The following DHX8 variants were observed in gnomAD, a reference collection of about 807,000 sequenced individuals.
DHX8 encodes ATP-dependent RNA helicase DHX8.
Under a neutral mutation model 140.7 loss-of-function variants are expected in DHX8, and 67 were observed. The ratio of observed to expected loss-of-function variants is 0.48; its 90% CI spans 0.39 to 0.58. DHX8 has a LOEUF of 0.58. Ranked by LOEUF, DHX8 falls within the 20% of genes least tolerant of loss-of-function variation. The pLI is 0.00. For synonymous variants in DHX8, 533 were observed against 553.2 expected (o/e 0.96, Z 0.51); for missense variants, 887 against 1,550.7 (o/e 0.57, Z 7.19).
At chr17:43,541,515 A>T (rs1351160329) in intron 3 of DHX8, among the ~76,000 whole-genome samples, 1 of 148,708 alleles carries the variant, frequency 6.7e-6, no homozygotes, top group Non-Finnish European at 1.5e-5. Context: ...AATTTTAGGG[A>T]CTCTCCTTTC....
At chr17:43,498,189 G>A (rs1454648245) in intron 9 of DHX8, among the ~76,000 whole-genome samples, 2 of 151,688 alleles carry the variant, frequency 1.3e-5, no homozygotes, top group African/African-American at 4.9e-5. Context: ...TTGTTGCCCA[G>A]GCTGGAGTGC....
Position 43,542,608 on chromosome 17 carries a change from C to T in DHX8, c.*21-1554C>T, listed in dbSNP as rs190129935. Among the ~76,000 whole-genome samples, 246 of 152,242 alleles carry T rather than the reference C, an allele frequency of 1.6e-3. 2 individuals are homozygous for T. The highest frequency in any genetic ancestry group is 5.8e-3 in the Admixed American group (89 of 15,300). On this transcript the variant is annotated intron_variant, in intron 3 of 3. Transcript: ENST00000589898. ...CGCCCTCCTAGCCTCACATCATTCA[C>T]CCCTGTGTACAAAAACCCAACCCCA... is the stretch of plus-strand genomic sequence containing the variant.
Position 43,521,350 on chromosome 17 carries a change from C to G in DHX8, c.3067-19C>G, listed in dbSNP as rs1483169910. The G allele has an allele frequency of 6.3e-7, 1 of 1,597,692 alleles. No individual in the cohort carries two copies. The highest frequency in any genetic ancestry group is 1.7e-4 in the Middle Eastern group (1 of 5,980). On this transcript the variant is annotated intron_variant, in intron 20 of 22. Coordinates refer to ENST00000262415, the MANE Select transcript of DHX8 (RefSeq NM_004941.3). The stretch of plus-strand genomic sequence containing the variant: ...TAGCTGTTGAGTCGGAAATGTTCCT[C>G]TGTCCCACTGCTTGGCAGGATAAAC...
At chr17:43,529,978 C>T (rs1053680921), downstream of DHX8, 13 of 1,613,922 alleles carry the variant, frequency 8.1e-6, no homozygotes, top group Middle Eastern at 3.3e-4. Context: ...GGGGGTTGCT[C>T]AGATCTGGGG....
At chr17:43,528,826 C>T, downstream of DHX8, 1 of 1,114,364 alleles carries the variant, frequency 9.0e-7, no homozygotes, top group Non-Finnish European at 1.3e-6. Context: ...GGGAATGTGG[C>T]CCTTCTACCA....
intron 1 of DHX8, among the ~76,000 whole-genome samples, chr17:43,488,151 G>A (rs542096905): frequency 2.6e-5 from 4 of 152,076 alleles, no homozygotes; most frequent in Non-Finnish European, 4.4e-5. Flanking sequence ...GGTGGCATGC[G>A]CCTGTAGCCC....
At chr17:43,514,042 A>G (rs896453036) in intron 17 of DHX8, among the ~76,000 whole-genome samples, 18 of 152,118 alleles carry the variant, frequency 1.2e-4, no homozygotes, top group Admixed American at 1.0e-3. Flanking sequence ...GTATTTCACT[A>G]TTAAAATGCC....
chr17:43,497,536 G>T (rs1331366292), intron 9 of DHX8, among the ~76,000 whole-genome samples: 1 of 152,094 alleles, frequency 6.6e-6, no homozygotes, highest in African/African-American at 2.4e-5. Context: ...TGGTAGGATT[G>T]CATGAGCCTA....
chr17:43,490,395 C>G lies in DHX8; in HGVS notation c.239C>G (p.Ser80Cys). The change falls in exon 3 of 23, where the codon TCT (serine) becomes TGT (cysteine). Residue 80 changes from serine to cysteine, a missense_variant. By Grantham distance (112) the Ser-to-Cys change is moderately radical. Around this residue, in one of 9 missense-constraint regions of DHX8, gnomAD observed 304 missense variants for 306.9 expected, o/e 0.99. Coordinates refer to ENST00000262415, the MANE Select transcript of DHX8 (RefSeq NM_004941.3). ...LVKNGAEFTD[S>C]LISNLLRLIQ... ...GTTCTATGTTTCTTTTCAAAGGATT[C>G]TCTTATTAGTAACTTGCTGCGTCTC... is the stretch of plus-strand genomic sequence containing the variant. The G allele has an allele frequency of 6.2e-7, 1 of 1,612,550 alleles. No individual in the cohort carries two copies. The highest frequency in any genetic ancestry group is 8.5e-7 in the Non-Finnish European group (1 of 1,179,534).
In DHX8 at chr17:43,484,013, A is replaced by C; in HGVS notation, c.-25A>C. ...TAGCTCTGAGCGCCGGCTGTGAGGA[A>C]GGAGGTTCTGGGCAAGCTATAGCCA... is the stretch of plus-strand genomic sequence containing the variant. On this transcript the variant is annotated 5_prime_UTR_variant, in exon 1 of 23. Coordinates refer to ENST00000262415, the MANE Select transcript of DHX8 (RefSeq NM_004941.3). The C allele has an allele frequency of 6.2e-7, 1 of 1,613,206 alleles. No individual in the cohort carries two copies. The highest frequency in any genetic ancestry group is 8.5e-7 in the Non-Finnish European group (1 of 1,179,484).
intron 9 of DHX8, among the ~76,000 whole-genome samples, chr17:43,497,487 C>T (rs1968931830): frequency 6.6e-6 from 1 of 152,094 alleles, no homozygotes. Flanking sequence ...TGTCATGGCT[C>T]AGCCCTGTAA....
chr17:43,503,285 G>GCC (rs1004881837), intron 11 of DHX8, among the ~76,000 whole-genome samples: 1 of 151,996 alleles, frequency 6.6e-6, no homozygotes, highest in Admixed American at 6.6e-5. Context: ...ATCACCTGAG[G>GCC]TCAGGAGTTT....
intron 16 of DHX8, among the ~76,000 whole-genome samples, chr17:43,511,456 A>ATCTTTTTTTTTTTTTTTTTTT: frequency 1.8e-5 from 1 of 56,790 alleles, no homozygotes; most frequent in Non-Finnish European, 2.9e-5. Flanking sequence ...TGATCCCAGC[A>ATCTTTTTTTTTTTTTTTTTTT]TTTTTTTTTT....
At chr17:43,540,177 G>A (rs561076430) in intron 3 of DHX8, among the ~76,000 whole-genome samples, 1 of 152,222 alleles carries the variant, frequency 6.6e-6, no homozygotes, top group Non-Finnish European at 1.5e-5. Flanking sequence ...TTACAGCCAG[G>A]TGTGGTGGCT....
chr17:43,529,014 C>A, downstream of DHX8: 1 of 988,076 alleles, frequency 1.0e-6, no homozygotes. Flanking sequence ...TCTTGTCTCT[C>A]TGACTGATTC....
Position 43,492,713 on chromosome 17 carries a change from G to A in DHX8, c.536G>A (p.Ser179Asn). The stretch of plus-strand genomic sequence containing the variant: ...ACAAAGAAGAAGAAGCGGAGTCGAA[G>A]CCGAGATCGAAACCGAGATCGAGAC... ...DRTKKKKRSR[S>N]RDRNRDRDRD... The change falls in exon 6 of 23, where the codon AGC becomes AAC. Residue 179 changes from serine (S) to asparagine (N), a missense_variant. Coordinates refer to ENST00000262415, the MANE Select transcript of DHX8 (RefSeq NM_004941.3). 6.2e-7 allele frequency: 1 copy of A among 1,602,656 alleles called. No individual in the cohort carries two copies. The highest frequency in any genetic ancestry group is 8.6e-7 in the Non-Finnish European group (1 of 1,169,554).
At chr17:43,536,471 G>C (rs1464611508) in exon 3 of DHX8, 1 of 1,614,078 alleles carries the variant, frequency 6.2e-7, no homozygotes, top group East Asian at 2.2e-5. Context: ...TCACTGTCTG[G>C]TACCTGAGCT....
chr17:43,520,632 G>T, intron 19 of DHX8, 119 bp from the exon 20 acceptor site: 1 of 1,167,396 alleles, frequency 8.6e-7, no homozygotes, highest in South Asian at 1.4e-5. Flanking sequence ...GGCATCCCAA[G>T]GCATCATTAT....
chr17:43,534,675 C>G (rs898560796), intron 2 of DHX8, among the ~76,000 whole-genome samples: 1 of 152,100 alleles, frequency 6.6e-6, no homozygotes, highest in Non-Finnish European at 1.5e-5. Flanking sequence ...CGCGGTGGCT[C>G]ACGCCTGTAA....
Sources: gnomAD v4.1 joint callset for allele counts (sites outside exome capture counted in the v4.1 genomes callset) on GRCh38, gnomAD v4.1.1 for gene constraint, gnomAD v4.1.1 regional missense constraint, MANE v1.5 for transcripts, NCBI Gene and HGNC (gene_info 2026-07-23, HGNC 2026-07-21) for gene names.